The following GSDMC variants were observed in gnomAD, a reference collection of about 807,000 sequenced individuals.
The protein encoded by GSDMC is gasdermin C.
A neutral mutation model predicts 58.0 loss-of-function variants in GSDMC; 59 were observed. The ratio of observed to expected loss-of-function variants is 1.02; its 90% confidence interval spans 0.82 to 1.26. GSDMC has a LOEUF of 1.26. Ranked by LOEUF, GSDMC falls within the 50% of genes most tolerant of loss-of-function variation. GSDMC has a pLI of 0.00. For missense variants in GSDMC, 659 were observed against 598.5 expected, an observed-to-expected ratio of 1.10 and a Z score of -1.06; for synonymous variants, 241 against 220.2, an observed-to-expected ratio of 1.09 and a Z score of -0.83.
At chr8:129,726,760 G>T in the GSDMC span, among the ~76,000 whole-genome samples, 1 of 148,462 alleles carries the variant, frequency 6.7e-6, no homozygotes, top group Non-Finnish European at 1.5e-5. Flanking sequence ...TTCCAATCCA[G>T]TCCCTCCCCC....
intron 3 of GSDMC, among the ~76,000 whole-genome samples, chr8:129,767,251 A>T (rs561880875): frequency 6.6e-6 from 1 of 151,852 alleles, no homozygotes; most frequent in Non-Finnish European, 1.5e-5. Context: ...CCTCCACAAC[A>T]ACTCTGCCCA....
At chr8:129,766,186 G>A (rs1018307449) in intron 3 of GSDMC, among the ~76,000 whole-genome samples, 7 of 152,274 alleles carry the variant, frequency 4.6e-5, no homozygotes, top group South Asian at 4.1e-4. Flanking sequence ...TATTCACACC[G>A]AACGTGTCAA....
At chr8:129,767,555 A>G in intron 3 of GSDMC, among the ~76,000 whole-genome samples, 1 of 146,066 alleles carries the variant, frequency 6.8e-6, no homozygotes, top group South Asian at 2.1e-4. Flanking sequence ...GCTCTGTGGG[A>G]CACAGGCTAC....
At chr8:129,708,632 G>A in the GSDMC span, among the ~76,000 whole-genome samples, 1 of 152,276 alleles carries the variant, frequency 6.6e-6, no homozygotes, top group Non-Finnish European at 1.5e-5. Context: ...CATGGGAACG[G>A]AAGTCAGGGG....
downstream of GSDMC, among the ~76,000 whole-genome samples, chr8:129,743,614 T>C (rs2032907964): frequency 6.6e-6 from 1 of 152,234 alleles, no homozygotes; most frequent in Non-Finnish European, 1.5e-5. Context: ...CCTCTTCCCA[T>C]GTGTAGTAAT....
chr8:129,711,942 G>C, the GSDMC span, among the ~76,000 whole-genome samples: 3 of 152,080 alleles, frequency 2.0e-5, no homozygotes, highest in African/African-American at 7.2e-5. Flanking sequence ...TCTCTGAAGA[G>C]TCACAGCATG....
the GSDMC span, among the ~76,000 whole-genome samples, chr8:129,725,343 GA>G: frequency 6.6e-6 from 1 of 152,098 alleles, no homozygotes; most frequent in Non-Finnish European, 1.5e-5. Flanking sequence ...TCAAATCAAA[GA>G]CACACTCATG....
chr8:129,717,113 A>C, the GSDMC span, among the ~76,000 whole-genome samples: 1 of 152,188 alleles, frequency 6.6e-6, no homozygotes, highest in Non-Finnish European at 1.5e-5. Flanking sequence ...TTTTGGCATC[A>C]GAATGATGCT....
the GSDMC span, among the ~76,000 whole-genome samples, chr8:129,726,992 A>G: frequency 4.5e-5 from 4 of 89,038 alleles, no homozygotes; most frequent in Admixed American, 1.2e-4. Flanking sequence ...ACCACACCCA[A>G]TACACATACA....
chr8:129,714,175 G>A, the GSDMC span, among the ~76,000 whole-genome samples: 38 of 151,982 alleles, frequency 2.5e-4, no homozygotes, highest in African/African-American at 7.2e-4. Flanking sequence ...CCTCTTACCC[G>A]AGCTTTCACC....
intron 1 of GSDMC, among the ~76,000 whole-genome samples, chr8:129,779,471 GGGA>G (rs899668506): frequency 1.3e-5 from 2 of 152,138 alleles, no homozygotes; most frequent in Non-Finnish European, 2.9e-5. Context: ...CATGGAGGGT[GGGA>G]GGAGGGAGAT....
chr8:129,742,967 A>G, the GSDMC span, among the ~76,000 whole-genome samples: 1 of 152,260 alleles, frequency 6.6e-6, no homozygotes, highest in South Asian at 2.1e-4. Context: ...GATTTGCATT[A>G]TAATCATCAA....
chr8:129,745,063 T>G (rs1262785215), downstream of GSDMC, among the ~76,000 whole-genome samples: 1 of 152,194 alleles, frequency 6.6e-6, no homozygotes, highest in Non-Finnish European at 1.5e-5. Context: ...TTCTTCCCAC[T>G]CCCTCTTAAA....
chr8:129,765,894 T>G (rs2033841896), intron 3 of GSDMC, 101 bp from the exon 4 acceptor site: 7 of 880,980 alleles, frequency 7.9e-6, no homozygotes, highest in Non-Finnish European at 1.2e-5. Context: ...AGGGGTGCAA[T>G]GGCTTTGGAC....
rs1445699293 is a variant in GSDMC at position 129,748,585 on chromosome 8, C to T, written c.1443G>A (p.Arg481=). The T allele has an allele frequency of 1.9e-6, 3 of 1,613,716 alleles. No individual in the cohort carries two copies. The highest frequency in any genetic ancestry group is 1.1e-5 in the South Asian group (1 of 91,008). The part of the protein sequence containing the change: ...CGLRMELDNP[R]STWDVEAKMP... The stretch of plus-strand genomic sequence containing the variant: ...TCTTTGCTTCTACATCCCAGGTTGA[C>T]CTGGGGTTATCCAGCTCCATCCTAA... The change falls in exon 14 of 14, where the codon AGG becomes AGA. Residue 481 remains arginine (R), a synonymous_variant. Coordinates refer to ENST00000276708, the MANE Select transcript of GSDMC (RefSeq NM_031415.3).
At position 129,776,218 on chromosome 8, in the gene GSDMC, ACC is replaced by A; in HGVS notation, c.286_287del (p.Gly96CysfsTer67). Reference protein sequence around the residue: ...IMIQKHKADMGVNVGIEVSVS... With the variant: ...IMIQKHKADMXVNVGIEVSVS... ...CACTCACTTCTATACCAACATTCAC[ACC>A]CATGTCAGCCTTATGCTTCTGGATC... On this transcript the variant is annotated frameshift_variant, in exon 3 of 14. Transcript: ENST00000276708. LOFTEE classifies it high-confidence loss of function. 1 of 1,613,568 alleles carries A rather than the reference ACC, an allele frequency of 6.2e-7. No homozygotes were observed. Among genetic ancestry groups the A allele is most frequent in the South Asian group, 1.1e-5 (1 of 91,060 alleles).
intron 1 of GSDMC, among the ~76,000 whole-genome samples, chr8:129,783,340 C>A (rs1167240500): frequency 6.6e-6 from 1 of 151,984 alleles, no homozygotes; most frequent in Non-Finnish European, 1.5e-5. Context: ...ATATATGGAA[C>A]AAACTGAAGA....
the GSDMC span, among the ~76,000 whole-genome samples, chr8:129,741,373 G>T: frequency 1.3e-5 from 2 of 151,862 alleles, no homozygotes; most frequent in East Asian, 3.8e-4. Context: ...TTCTATTTCT[G>T]TGAAAATGAT....
chr8:129,753,007 C>A (rs568293784), intron 6 of GSDMC, 187 bp from the exon 7 acceptor site: 3 of 1,104,054 alleles, frequency 2.7e-6, no homozygotes, highest in Non-Finnish European at 3.7e-6. Flanking sequence ...TCTTGGCAAG[C>A]CTTGCAAATG....
Sources: gnomAD v4.1 joint callset for allele counts (sites outside exome capture counted in the v4.1 genomes callset) on GRCh38, gnomAD v4.1.1 for gene constraint, MANE v1.5 for transcripts, NCBI Gene and HGNC (gene_info 2026-07-23, HGNC 2026-07-21) for gene names.